The following ABCD3 variants were observed in gnomAD, a reference collection of about 807,000 sequenced individuals.
ABCD3 encodes the protein ATP-binding cassette sub-family D member 3.
ABCD3 carries 41 observed loss-of-function variants against 105.5 expected under a neutral mutation model. The ratio of observed to expected loss-of-function variants is 0.39; its 90% CI spans 0.30 to 0.50. The LOEUF is 0.50. ABCD3 is among the 20% of genes least tolerant of loss of function. ABCD3 has a pLI of 0.84. For synonymous variants in ABCD3, 258 were observed against 269.0 expected, an observed-to-expected ratio of 0.96 and a Z score of 0.40; for missense variants, 622 against 806.3, an observed-to-expected ratio of 0.77 and a Z score of 2.77.
chr1:94,468,755 C>A (rs1304807756), intron 4 of ABCD3, among the ~76,000 whole-genome samples: 2 of 151,930 alleles, frequency 1.3e-5, no homozygotes, highest in East Asian at 3.9e-4. Context: ...TGTTAAATGC[C>A]CCAACATTTT....
chr1:94,427,629 T>A (rs376598433), intron 1 of ABCD3, among the ~76,000 whole-genome samples: 35 of 152,278 alleles, frequency 2.3e-4, no homozygotes, highest in African/African-American at 8.4e-4. Context: ...CTTTGGAATT[T>A]TATCTGCTAA....
At chr1:94,387,418 T>G in the ABCD3 span, among the ~76,000 whole-genome samples, 5 of 152,198 alleles carry the variant, frequency 3.3e-5, no homozygotes, top group Non-Finnish European at 7.3e-5. Context: ...GCATCCCACA[T>G]GGCACCAGGC....
chr1:94,495,840 C>T (rs1448338198), intron 16 of ABCD3, among the ~76,000 whole-genome samples: 3 of 152,096 alleles, frequency 2.0e-5, no homozygotes, highest in Non-Finnish European at 2.9e-5. Flanking sequence ...CTAAGGGCAT[C>T]GCTGTTACAG....
the ABCD3 span, among the ~76,000 whole-genome samples, chr1:94,396,405 T>C: frequency 1.3e-5 from 2 of 152,216 alleles, no homozygotes; most frequent in Admixed American, 1.3e-4. Flanking sequence ...ATTCATCATT[T>C]ACTAGGACTC....
the ABCD3 span, among the ~76,000 whole-genome samples, chr1:94,397,571 G>A: frequency 6.6e-6 from 1 of 152,150 alleles, no homozygotes; most frequent in African/African-American, 2.4e-5. Flanking sequence ...TCTTCTCATT[G>A]CATCATGTCA....
chr1:94,397,598 A>G, the ABCD3 span, among the ~76,000 whole-genome samples: 1 of 152,200 alleles, frequency 6.6e-6, no homozygotes, highest in Admixed American at 6.5e-5. Flanking sequence ...CATGATATCA[A>G]CATGTGCTCA....
intron 4 of ABCD3, among the ~76,000 whole-genome samples, chr1:94,469,561 C>G (rs1158824451): frequency 6.9e-6 from 1 of 144,588 alleles, no homozygotes; most frequent in Non-Finnish European, 1.5e-5. Context: ...ACTGAGAAAT[C>G]TTCTCAGTAT....
the ABCD3 span, among the ~76,000 whole-genome samples, chr1:94,410,308 T>C: frequency 6.6e-6 from 1 of 152,216 alleles, no homozygotes. Flanking sequence ...TTATTATTAT[T>C]ATGGTATGTA....
At chr1:94,425,109 T>A (rs146319141) in intron 1 of ABCD3, among the ~76,000 whole-genome samples, 11 of 152,342 alleles carry the variant, frequency 7.2e-5, no homozygotes, top group African/African-American at 2.6e-4. Context: ...ACCCCCTATA[T>A]GTACAGGTAA....
intron 21 of ABCD3, among the ~76,000 whole-genome samples, chr1:94,513,321 C>A (rs1650771384): frequency 6.6e-6 from 1 of 151,950 alleles, no homozygotes; most frequent in African/African-American, 2.4e-5. Context: ...TAATTTTGAC[C>A]ACGTGATTTC....
chr1:94,485,366 GAA>G (rs1649233443), intron 10 of ABCD3, among the ~76,000 whole-genome samples: 1 of 152,168 alleles, frequency 6.6e-6, no homozygotes, highest in Non-Finnish European at 1.5e-5. Context: ...TGAAGTTTGT[GAA>G]ATTAAATGTA....
At chr1:94,497,760 G>A (rs529597707) in intron 16 of ABCD3, among the ~76,000 whole-genome samples, 42 of 152,270 alleles carry the variant, frequency 2.8e-4, no homozygotes, top group African/African-American at 8.2e-4. Context: ...ATCTAGAAGA[G>A]CAAAACAAAA....
Position 94,491,220 on chromosome 1 carries a change from T to A in ABCD3, c.1359T>A (p.Asp453Glu). The change falls in exon 16 of 23, where the codon GAT becomes GAA. Residue 453 changes from aspartate (D) to glutamate (E), a missense_variant. Transcript: ENST00000370214. ...TTCCTTTAGCAACGCCAAATGGAGATGTTTTGATCCGAGACCTTAATTTTG... is the reference window on the plus strand; with the variant it reads ...TTCCTTTAGCAACGCCAAATGGAGAAGTTTTGATCCGAGACCTTAATTTTG... Reference protein sequence around the residue: ...DHVPLATPNGDVLIRDLNFEV... With the variant: ...DHVPLATPNGEVLIRDLNFEV... The A allele has an allele frequency of 1.2e-6, 2 of 1,612,432 alleles. No homozygotes were observed. The highest frequency in any genetic ancestry group is 4.5e-5 in the East Asian group (2 of 44,760).
At chr1:94,501,253 T>A (rs777076341) in intron 20 of ABCD3, among the ~76,000 whole-genome samples, 14 of 139,774 alleles carry the variant, frequency 1.0e-4, no homozygotes, top group Non-Finnish European at 2.0e-4. Flanking sequence ...AGAGCAAGAC[T>A]CTGTCTCAAA....
At chr1:94,445,527 C>A (rs1165149708) in intron 1 of ABCD3, among the ~76,000 whole-genome samples, 1 of 152,168 alleles carries the variant, frequency 6.6e-6, no homozygotes, top group Non-Finnish European at 1.5e-5. Flanking sequence ...AACGAAGTAA[C>A]AGAGCAGGTT....
rs200227121 is a variant in ABCD3, at chr1:94,480,530, A to G, written c.751A>G (p.Ile251Val). Residue 251 changes from isoleucine (I) to valine (V), a missense_variant, in exon 9 of 23, where the codon ATT (isoleucine) becomes GTT (valine). Coordinates refer to ENST00000370214, the MANE Select transcript of ABCD3 (RefSeq NM_002858.4). ...ATTCCTAACTCGACTTCGAAGACCCATTGGTAAGATGACAATAACTGAGCA... is the reference window on the plus strand; with the variant it reads ...ATTCCTAACTCGACTTCGAAGACCCGTTGGTAAGATGACAATAACTGAGCA... Reference protein sequence around the residue: ...GLFLTRLRRPIGKMTITEQKY... With the variant: ...GLFLTRLRRPVGKMTITEQKY... 4.3e-6 allele frequency: 7 copies of G among 1,613,926 alleles called. No individual in the cohort carries two copies. The highest frequency in any genetic ancestry group is 2.2e-5 in the East Asian group (1 of 44,856).
At chr1:94,440,396 G>A (rs1029514440) in intron 1 of ABCD3, among the ~76,000 whole-genome samples, 2 of 152,170 alleles carry the variant, frequency 1.3e-5, no homozygotes, top group Admixed American at 1.3e-4. Context: ...GTCTCACATA[G>A]TATTCTGTTC....
At chr1:94,389,661 C>T in the ABCD3 span, among the ~76,000 whole-genome samples, 1 of 152,134 alleles carries the variant, frequency 6.6e-6, no homozygotes, top group Non-Finnish European at 1.5e-5. Context: ...GCTGTGAGTT[C>T]CCTGATTTCC....
At chr1:94,473,027 A>T (rs1211223175) in intron 4 of ABCD3, among the ~76,000 whole-genome samples, 2 of 152,304 alleles carry the variant, frequency 1.3e-5, no homozygotes, top group East Asian at 3.9e-4. Flanking sequence ...AAAGCAGAAA[A>T]ATATGTAAAA....
Sources: allele counts gnomAD v4.1 joint callset (sites outside exome capture counted in the v4.1 genomes callset), GRCh38; gene constraint gnomAD v4.1.1; transcripts MANE v1.5; gene names NCBI Gene and HGNC (gene_info 2026-07-23, HGNC 2026-07-21).